STRN: variants seen among roughly 807,000 people sequenced by gnomAD.
STRN encodes protein phosphatase 2 regulatory subunit B'''alpha.
Under a neutral mutation model 96.3 loss-of-function variants are expected in STRN, and 53 were observed. The observed-to-expected ratio is 0.55, with a 90% CI of 0.44 to 0.69. STRN has a LOEUF of 0.69. Among genes scored for constraint, STRN ranks in the 30% least tolerant of loss-of-function variants. The pLI, the probability that STRN is intolerant of heterozygous loss-of-function variation, is 0.00. For missense variants in STRN, 987 were observed against 963.9 expected (o/e 1.02, Z -0.32); for synonymous variants, 428 against 355.9 (o/e 1.20, Z -2.28).
intron 2 of STRN, among the ~76,000 whole-genome samples, chr2:36,919,374 G>T (rs1363176488): frequency 1.3e-5 from 2 of 152,176 alleles, no homozygotes; most frequent in East Asian, 3.9e-4. Flanking sequence ...CAAAAAGAAG[G>T]TAACACGTGA....
At chr2:36,933,681 T>G (rs1670630392) in intron 1 of STRN, among the ~76,000 whole-genome samples, 1 of 152,184 alleles carries the variant, frequency 6.6e-6, no homozygotes, top group South Asian at 2.1e-4. Context: ...CACAGCTCAC[T>G]GTAGTCTTGA....
At chr2:36,928,049 A>T (rs1323639053) in intron 1 of STRN, among the ~76,000 whole-genome samples, 2 of 152,196 alleles carry the variant, frequency 1.3e-5, no homozygotes, top group African/African-American at 4.8e-5. Context: ...AGAGTAAAAG[A>T]CTATGAGAAT....
intron 10 of STRN, among the ~76,000 whole-genome samples, chr2:36,870,641 T>C (rs191876906): frequency 6.6e-6 from 1 of 152,350 alleles, no homozygotes; most frequent in East Asian, 1.9e-4. Flanking sequence ...GTGCTGCCAG[T>C]AGTATTAAAG....
rs967779365 is a variant in STRN at position 36,894,261 on chromosome 2, G to A, written c.796-228C>T. On this transcript the variant is annotated intron_variant, in intron 6 of 17. Coordinates refer to ENST00000263918, the MANE Select transcript of STRN (RefSeq NM_003162.4). ...TATGGCTTGTTTTAAGTAAACTAAC[G>A]GAACCACATACTGAAATATAAGACA... Among the ~76,000 whole-genome samples, 6 of 152,144 alleles carry A rather than the reference G, an allele frequency of 3.9e-5. No homozygotes were observed. In the South Asian group the frequency reaches 6.2e-4, roughly 16 times the overall value.
rs1428110627 is a variant in STRN, at chr2:36,845,987, C to A, written c.*3469G>T. ...CTCTCTCTCTGTGCCCCCCCTCCCA[C>A]CCCCTCCCCAAACTCAATCTTCATC... On this transcript the variant is annotated 3_prime_UTR_variant, in exon 18 of 18. Transcript: ENST00000263918. The A allele has an allele frequency of 2.7e-4, 32 of 119,394 alleles. No homozygotes were observed. Among genetic ancestry groups the A allele is most frequent in the African/African-American group, 7.8e-4 (26 of 33,136 alleles). 7.4% of individuals were successfully genotyped at this position (119,394 alleles called of 1,614,324 possible). A position where few individuals can be genotyped will look rare whatever the true frequency, so the allele number is the denominator to read the frequency against.
intron 4 of STRN, 30 bp downstream of exon 4, chr2:36,905,510 C>A (rs766732043): frequency 6.3e-7 from 1 of 1,587,974 alleles, no homozygotes; most frequent in East Asian, 2.2e-5. Flanking sequence ...TGTCTTCAGC[C>A]ATTTATAAGT....
chr2:36,881,484 A>G (rs1032759294), intron 9 of STRN, among the ~76,000 whole-genome samples: 2 of 152,216 alleles, frequency 1.3e-5, no homozygotes, highest in Non-Finnish European at 2.9e-5. Context: ...TATAGAGCAC[A>G]CACAGCATAT....
At chr2:36,901,676 C>G (rs528897282) in intron 5 of STRN, among the ~76,000 whole-genome samples, 63 of 152,046 alleles carry the variant, frequency 4.1e-4, no homozygotes, top group African/African-American at 1.1e-3. Flanking sequence ...AAATAACATG[C>G]CTTACATTTA....
intron 3 of STRN, among the ~76,000 whole-genome samples, chr2:36,911,283 GAAC>G (rs1403546334): frequency 6.6e-6 from 1 of 152,172 alleles, no homozygotes; most frequent in African/African-American, 2.4e-5. Flanking sequence ...TTATCATCAT[GAAC>G]AACTATGATA....
chr2:36,916,232 CAGT>C (rs1232454306), intron 2 of STRN, 81 bp from the exon 3 acceptor site: 7 of 1,207,172 alleles, frequency 5.8e-6, no homozygotes, highest in Non-Finnish European at 8.4e-6. Context: ...CACAAGAATT[CAGT>C]AGTCCTGGCT....
chr2:36,916,313 T>C (rs1481816409), intron 2 of STRN, among the ~76,000 whole-genome samples, 162 bp from the exon 3 acceptor site: 1 of 152,188 alleles, frequency 6.6e-6, no homozygotes, highest in Non-Finnish European at 1.5e-5. Context: ...CAAAAGTGCT[T>C]GCCTTTTCGT....
At chr2:36,926,948 T>C (rs927195218) in intron 1 of STRN, among the ~76,000 whole-genome samples, 4 of 152,214 alleles carry the variant, frequency 2.6e-5, no homozygotes, top group Non-Finnish European at 2.9e-5. Flanking sequence ...TTCCAAATGT[T>C]TGTCTATGCC....
At chr2:36,900,944 G>C (rs1045628117) in intron 5 of STRN, among the ~76,000 whole-genome samples, 9 of 149,790 alleles carry the variant, frequency 6.0e-5, no homozygotes, top group Non-Finnish European at 1.0e-4. Context: ...CCAATGGCCA[G>C]AACAGAAAGA....
chr2:36,875,001 A>G (rs1668865330), intron 10 of STRN, among the ~76,000 whole-genome samples: 1 of 152,224 alleles, frequency 6.6e-6, no homozygotes, highest in Admixed American at 6.5e-5. Flanking sequence ...GAGTGTACAA[A>G]ACAATAATTT....
intron 1 of STRN, among the ~76,000 whole-genome samples, chr2:36,932,704 G>A (rs2148241824): frequency 6.6e-6 from 1 of 152,274 alleles, no homozygotes; most frequent in East Asian, 1.9e-4. Context: ...CCGGGCTCAA[G>A]TGATCCTTCT....
chr2:36,914,792 G>A (rs1346007089), intron 3 of STRN, among the ~76,000 whole-genome samples: 6 of 152,170 alleles, frequency 3.9e-5, no homozygotes, highest in African/African-American at 1.4e-4. Flanking sequence ...ATATCTGTGT[G>A]ACGTTGGGCA....
Position 36,841,318 on chromosome 2 carries a change from A to C in STRN, c.*8138T>G, listed in dbSNP as rs1332987674. 1.3e-5 allele frequency: 2 copies of C among 152,180 alleles called. No individual in the cohort carries two copies. The highest frequency in any genetic ancestry group is 2.9e-5 in the Non-Finnish European group (2 of 68,038). 9.4% of individuals were successfully genotyped at this position (152,180 alleles called of 1,614,324 possible). Reference sequence around the variant, plus strand: ...CCTGAGATATACAAGGAAACTGAACAAATACCAGGCAGCAAAATACTGAGA... The same window carrying C: ...CCTGAGATATACAAGGAAACTGAACCAATACCAGGCAGCAAAATACTGAGA... On this transcript the variant is annotated 3_prime_UTR_variant, in exon 18 of 18. Coordinates refer to ENST00000263918, the MANE Select transcript of STRN (RefSeq NM_003162.4).
chr2:36,850,981 A>T lies in STRN; in HGVS notation c.2086+19T>A, dbSNP rs777385356. The stretch of plus-strand genomic sequence containing the variant: ...TTTTTTTTTGCTTTAATAAAAATCA[A>T]TTCTTAATAAATTCTTACCTGTATT... On this transcript the variant is annotated intron_variant, in intron 16 of 17. Coordinates refer to ENST00000263918, the MANE Select transcript of STRN (RefSeq NM_003162.4). The T allele has an allele frequency of 1.0e-5, 16 of 1,548,446 alleles. No homozygotes were observed. Among genetic ancestry groups the T allele is most frequent in the Admixed American group, 8.3e-5 (4 of 48,148 alleles).
intron 10 of STRN, among the ~76,000 whole-genome samples, chr2:36,875,226 C>A (rs1225972168): frequency 6.6e-6 from 1 of 151,924 alleles, no homozygotes; most frequent in Non-Finnish European, 1.5e-5. Context: ...ATAATCTACC[C>A]CAGCCAGGCA....
Sources: gnomAD v4.1 joint callset for allele counts (sites outside exome capture counted in the v4.1 genomes callset) on GRCh38, gnomAD v4.1.1 for gene constraint, MANE v1.5 for transcripts, NCBI Gene and HGNC (gene_info 2026-07-23, HGNC 2026-07-21) for gene names.